The following MAML3 variants were observed in gnomAD, a reference collection of about 807,000 sequenced individuals.
MAML3 encodes the protein mastermind like transcriptional coactivator 3.
Under a neutral mutation model 101.9 loss-of-function variants are expected in MAML3, and 27 were observed. The observed-to-expected ratio is 0.27, with a 90% CI of 0.20 to 0.37. MAML3 has a LOEUF of 0.37. MAML3 is among the 10% of genes least tolerant of loss of function. The pLI is 1.00. For synonymous variants in MAML3, 501 were observed against 555.9 expected (o/e 0.90, Z 1.39); for missense variants, 1,316 against 1,444.9 (o/e 0.91, Z 1.45).
intron 2 of MAML3, among the ~76,000 whole-genome samples, chr4:139,864,717 T>C (rs941488582): frequency 8.2e-5 from 11 of 134,592 alleles, no homozygotes. Flanking sequence ...AAATCTTGAA[T>C]GATAAATTCC....
chr4:139,848,795 G>A (rs980121733), intron 2 of MAML3, among the ~76,000 whole-genome samples: 1 of 152,166 alleles, frequency 6.6e-6, no homozygotes, highest in African/African-American at 2.4e-5. Flanking sequence ...CTAGAGAAAA[G>A]GCAAGTCAAT....
chr4:139,808,282 G>GC (rs1404026942), intron 2 of MAML3, among the ~76,000 whole-genome samples: 4 of 152,206 alleles, frequency 2.6e-5, no homozygotes, highest in Non-Finnish European at 4.4e-5. Context: ...GCCTGGGGGA[G>GC]CCCCCCACCA....
chr4:139,830,505 C>T (rs1357521672), intron 2 of MAML3, among the ~76,000 whole-genome samples: 1 of 150,360 alleles, frequency 6.7e-6, no homozygotes, highest in African/African-American at 2.5e-5. Flanking sequence ...AGCGCCGCCT[C>T]CCGGGTTCCC....
intron 1 of MAML3, among the ~76,000 whole-genome samples, chr4:140,072,353 T>C (rs935634643): frequency 1.3e-5 from 2 of 152,144 alleles, no homozygotes; most frequent in African/African-American, 4.8e-5. Context: ...TTGTGTTAGG[T>C]ATTATAAGAA....
At chr4:140,024,912 C>T (rs1726795549) in intron 1 of MAML3, among the ~76,000 whole-genome samples, 1 of 152,110 alleles carries the variant, frequency 6.6e-6, no homozygotes, top group African/African-American at 2.4e-5. Context: ...GTGAGAGAAC[C>T]ATCCAAAATA....
chr4:139,930,741 T>C (rs2110729048), intron 1 of MAML3, among the ~76,000 whole-genome samples: 1 of 152,286 alleles, frequency 6.6e-6, no homozygotes, highest in South Asian at 2.1e-4. Flanking sequence ...CCCTTTTTCT[T>C]ATGTTTAAAT....
At chr4:140,015,365 T>A (rs1045995080) in intron 1 of MAML3, among the ~76,000 whole-genome samples, 1 of 152,210 alleles carries the variant, frequency 6.6e-6, no homozygotes, top group African/African-American at 2.4e-5. Flanking sequence ...CATAACTAAC[T>A]AGCAAGAACA....
intron 1 of MAML3, among the ~76,000 whole-genome samples, chr4:139,969,216 T>C (rs1380346805): frequency 1.3e-5 from 2 of 151,390 alleles, no homozygotes; most frequent in African/African-American, 4.9e-5. Context: ...CTCCACTGCA[T>C]ACCAGATAAT....
Position 139,890,772 on chromosome 4 carries a change from C to G in MAML3, c.664G>C (p.Asp222His), listed in dbSNP as rs1389610369. The G allele has an allele frequency of 6.2e-7, 1 of 1,613,954 alleles. No homozygotes were observed. Among genetic ancestry groups the G allele is most frequent in the Admixed American group, 1.7e-5 (1 of 60,036 alleles). The change falls in exon 2 of 5, where the codon GAC becomes CAC. Residue 222 changes from aspartate to histidine, a missense_variant. Coordinates refer to ENST00000509479, the MANE Select transcript of MAML3 (RefSeq NM_018717.5). This position sits in a 1 kb window ranked among gnomAD's most constrained non-coding sequence, Gnocchi z 4.1. ...LPSASPLHQL[D>H]LKPSLPLQNS... ...TGCAAGGGCAAAGAAGGTTTCAGGTCAAGTTGGTGAAGAGGAGAAGCTGAA... is the reference window on the plus strand; with the variant it reads ...TGCAAGGGCAAAGAAGGTTTCAGGTGAAGTTGGTGAAGAGGAGAAGCTGAA...
intron 1 of MAML3, among the ~76,000 whole-genome samples, chr4:139,895,928 A>G (rs1387316897): frequency 6.6e-6 from 1 of 152,110 alleles, no homozygotes; most frequent in Non-Finnish European, 1.5e-5. Context: ...TGATTTATAT[A>G]TTTCATGTAT....
intron 2 of MAML3, among the ~76,000 whole-genome samples, chr4:139,857,256 C>T (rs1731677402): frequency 6.6e-6 from 1 of 152,064 alleles, no homozygotes; most frequent in Non-Finnish European, 1.5e-5. Flanking sequence ...GTGCACCCAG[C>T]CAAGCGGAAG....
Position 139,972,132 on chromosome 4 carries a change from AT to A in MAML3, c.469-81166del, listed in dbSNP as rs1456790495. On this transcript the variant is annotated intron_variant, in intron 1 of 4. Transcript: ENST00000509479. ...TTTGTTACATAGGTAAATGTGTGCC[AT>A]GGTGGTTTGTTGCACAGATCATCCT... is the stretch of plus-strand genomic sequence containing the variant. Among the ~76,000 whole-genome samples the A allele has an allele frequency of 5.3e-5, 8 of 152,206 alleles. No individual in the cohort carries two copies. In the East Asian group the frequency reaches 1.5e-3, roughly 29 times the overall value.
intron 1 of MAML3, among the ~76,000 whole-genome samples, chr4:139,957,740 C>T (rs993497513): frequency 6.6e-6 from 1 of 152,212 alleles, no homozygotes; most frequent in African/African-American, 2.4e-5. Flanking sequence ...TTATTATGAT[C>T]ATTTACTTCC....
chr4:139,748,895 G>C (rs1378061876), intron 2 of MAML3, among the ~76,000 whole-genome samples: 2 of 152,164 alleles, frequency 1.3e-5, no homozygotes, highest in African/African-American at 4.8e-5. Context: ...CCTCCGAAGA[G>C]AGCCTCTCTT....
At chr4:140,038,173 G>T (rs1727019801) in intron 1 of MAML3, among the ~76,000 whole-genome samples, 1 of 152,108 alleles carries the variant, frequency 6.6e-6, no homozygotes, top group African/African-American at 2.4e-5. Context: ...ACTGTTTCTA[G>T]TGCTGCCAAG....
intron 1 of MAML3, among the ~76,000 whole-genome samples, chr4:139,901,503 T>C (rs1732718127): frequency 6.6e-6 from 1 of 152,246 alleles, no homozygotes; most frequent in African/African-American, 2.4e-5. Flanking sequence ...ACATTTTCTA[T>C]TCAAACATGC....
intron 1 of MAML3, among the ~76,000 whole-genome samples, chr4:140,015,795 A>G (rs1182890695): frequency 6.6e-6 from 1 of 152,170 alleles, no homozygotes; most frequent in Non-Finnish European, 1.5e-5. Context: ...CTCTACTAAA[A>G]TACAAAAATT....
rs4057275 is a variant in MAML3 at position 139,729,156 on chromosome 4, CAAAAAA to C, written c.2331+1254_2331+1259del. 9.8e-5 allele frequency among the ~76,000 whole-genome samples: 8 copies of C among 81,700 alleles called. No homozygotes were observed. The East Asian group carries it at 1.2e-3, about 12-fold the overall frequency. The allele number at this position is 81,700 out of a possible 152,430, so 53.6% of individuals were successfully genotyped here. Reference sequence around the variant, plus strand: ...TTACACAGCTGTTCAGGAACAAAAGCAAAAAAAAAAAAAAAAAAAAAAAGGGAACAT... The same window carrying C: ...TTACACAGCTGTTCAGGAACAAAAGCAAAAAAAAAAAAAAAAAGGGAACAT... On this transcript the variant is annotated intron_variant, in intron 3 of 4. Coordinates refer to ENST00000509479, the MANE Select transcript of MAML3 (RefSeq NM_018717.5).
intron 1 of MAML3, among the ~76,000 whole-genome samples, chr4:140,119,842 T>G (rs573417658): frequency 3.3e-5 from 5 of 152,262 alleles, no homozygotes; most frequent in South Asian, 2.1e-4. Flanking sequence ...AATCTCTCTA[T>G]TTAGTCAACT....
Sources: allele counts gnomAD v4.1 joint callset (sites outside exome capture counted in the v4.1 genomes callset), GRCh38; gene constraint gnomAD v4.1.1; non-coding constraint Gnocchi (gnomAD v3.1); transcripts MANE v1.5; gene names NCBI Gene and HGNC (gene_info 2026-07-23, HGNC 2026-07-21).